RBMS3: variants seen among roughly 807,000 people sequenced by gnomAD.
The protein encoded by RBMS3 is RNA-binding motif, single-stranded-interacting protein 3.
In RBMS3, 27 loss-of-function variants were observed where a neutral mutation model predicts 66.8. The observed-to-expected ratio is 0.40, with a 90% CI of 0.30 to 0.56. The LOEUF (loss-of-function observed/expected upper bound fraction) is 0.56, where lower values mean the gene tolerates loss of function less well. RBMS3 is among the 20% of genes least tolerant of loss of function. The pLI is 0.40. For missense variants in RBMS3, 513 were observed against 549.5 expected, an observed-to-expected ratio of 0.93 and a Z score of 0.66; for synonymous variants, 188 against 183.0, an observed-to-expected ratio of 1.03 and a Z score of -0.22.
At chr3:29,816,950 G>T (rs1334327344) in intron 6 of RBMS3, among the ~76,000 whole-genome samples, 2 of 151,958 alleles carry the variant, frequency 1.3e-5, no homozygotes, top group East Asian at 3.9e-4. Flanking sequence ...AATTAGCCGG[G>T]CATGGTGGTG....
intron 4 of RBMS3, among the ~76,000 whole-genome samples, chr3:29,681,381 G>A (rs1487331701): frequency 6.6e-6 from 1 of 151,898 alleles, no homozygotes; most frequent in Non-Finnish European, 1.5e-5. Context: ...TACATGTGCA[G>A]CATGTGCAGG....
intron 1 of RBMS3, among the ~76,000 whole-genome samples, chr3:29,413,492 G>GTGTA (rs1421466858): frequency 6.6e-6 from 1 of 152,102 alleles, no homozygotes; most frequent in Non-Finnish European, 1.5e-5. Flanking sequence ...AGATAATGAT[G>GTGTA]TGTATGTATA....
intron 4 of RBMS3, among the ~76,000 whole-genome samples, chr3:29,631,745 A>G (rs1215752553): frequency 6.6e-6 from 1 of 151,854 alleles, no homozygotes. Context: ...CTATTTGTCT[A>G]TCTGGAAACC....
intron 1 of RBMS3, among the ~76,000 whole-genome samples, chr3:29,308,130 A>T (rs369523511): frequency 1.8e-4 from 27 of 151,888 alleles, no homozygotes; most frequent in African/African-American, 6.0e-4. Context: ...TGTTATTTTT[A>T]AATACTTGTC....
chr3:29,996,716 C>T (rs1297743029), intron 14 of RBMS3, among the ~76,000 whole-genome samples: 2 of 152,074 alleles, frequency 1.3e-5, no homozygotes, highest in African/African-American at 4.8e-5. Context: ...TTCTTTGAAC[C>T]AACAAGAACA....
chr3:29,503,357 C>T (rs1053062848), intron 3 of RBMS3, among the ~76,000 whole-genome samples: 3 of 152,072 alleles, frequency 2.0e-5, no homozygotes, highest in Admixed American at 2.0e-4. Flanking sequence ...CATTCATTCC[C>T]TTCTGTCCTT....
intron 1 of RBMS3, among the ~76,000 whole-genome samples, chr3:29,284,315 G>A (rs1381287367): frequency 6.6e-6 from 1 of 151,974 alleles, no homozygotes; most frequent in Non-Finnish European, 1.5e-5. Flanking sequence ...TCTAAATTGA[G>A]GTAGGTTTTC....
chr3:29,286,623 G>A (rs996947937), intron 1 of RBMS3, among the ~76,000 whole-genome samples: 4 of 152,082 alleles, frequency 2.6e-5, no homozygotes, highest in African/African-American at 9.7e-5. Context: ...TCTGAGGGCT[G>A]GGGGTAGGGA....
At chr3:29,369,075 A>G (rs986089952) in intron 1 of RBMS3, among the ~76,000 whole-genome samples, 2 of 152,188 alleles carry the variant, frequency 1.3e-5, no homozygotes, top group Non-Finnish European at 2.9e-5. Flanking sequence ...CAAGCCAAAT[A>G]CCATATGTTC....
intron 4 of RBMS3, among the ~76,000 whole-genome samples, chr3:29,726,138 G>A (rs572889361): frequency 1.8e-4 from 28 of 152,170 alleles, no homozygotes; most frequent in African/African-American, 6.0e-4. Flanking sequence ...TGCAGAAAAC[G>A]CCTTCGATAA....
At chr3:29,635,684 C>T (rs2049447835) in intron 4 of RBMS3, among the ~76,000 whole-genome samples, 1 of 151,898 alleles carries the variant, frequency 6.6e-6, no homozygotes, top group Admixed American at 6.6e-5. Context: ...ATGCATGTCT[C>T]ACTCGGGTAA....
At chr3:29,806,849 C>T (rs7629831) in intron 6 of RBMS3, among the ~76,000 whole-genome samples, 1 of 151,586 alleles carries the variant, frequency 6.6e-6, no homozygotes, top group African/African-American at 2.4e-5. Flanking sequence ...ATGCTTTTAA[C>T]GTCTATTACT....
At chr3:29,306,118 G>A (rs1451519217) in intron 1 of RBMS3, among the ~76,000 whole-genome samples, 1 of 151,890 alleles carries the variant, frequency 6.6e-6, no homozygotes, top group African/African-American at 2.4e-5. Context: ...GCACAGTATG[G>A]ATATTTGATT....
At chr3:29,445,428 T>C (rs2041793129) in intron 2 of RBMS3, among the ~76,000 whole-genome samples, 1 of 152,004 alleles carries the variant, frequency 6.6e-6, no homozygotes, top group Non-Finnish European at 1.5e-5. Flanking sequence ...AAAAAAACTG[T>C]TTATTTTTGC....
intron 3 of RBMS3, among the ~76,000 whole-genome samples, chr3:29,578,790 C>CTTTTTTTTTTTTTTTTTTTTTTT (rs1185861167): frequency 1.1e-4 from 11 of 101,062 alleles, no homozygotes; most frequent in African/African-American, 1.8e-4. Context: ...ATACATGCTT[C>CTTTTTTTTTTTTTTTTTTTTTTT]TTTTTTTTTT....
intron 8 of RBMS3, among the ~76,000 whole-genome samples, chr3:29,887,351 G>A (rs925552325): frequency 1.1e-4 from 16 of 151,766 alleles, no homozygotes; most frequent in African/African-American, 3.9e-4. Context: ...TGTGTCAAGA[G>A]AGAAACCAGG....
At chr3:29,630,310 G>A (rs573300746) in intron 4 of RBMS3, among the ~76,000 whole-genome samples, 2 of 152,126 alleles carry the variant, frequency 1.3e-5, no homozygotes, top group African/African-American at 4.8e-5. Context: ...AACAGCAACT[G>A]TTCAAGTTAG....
chr3:29,738,392 A>T (rs1160626281), intron 4 of RBMS3, among the ~76,000 whole-genome samples: 4 of 152,200 alleles, frequency 2.6e-5, no homozygotes, highest in Non-Finnish European at 5.9e-5. Context: ...ACATTTTGAT[A>T]TTAATGACTA....
intron 4 of RBMS3, among the ~76,000 whole-genome samples, chr3:29,707,156 A>C (rs2052937315): frequency 6.6e-6 from 1 of 152,240 alleles, no homozygotes; most frequent in Non-Finnish European, 1.5e-5. Context: ...TCACATCTGG[A>C]AAATGTTCCT....
Sources: allele counts gnomAD v4.1 joint callset (sites outside exome capture counted in the v4.1 genomes callset), GRCh38; gene constraint gnomAD v4.1.1; transcripts MANE v1.5; gene names NCBI Gene and HGNC (gene_info 2026-07-23, HGNC 2026-07-21).